HAUS6: variants seen among roughly 807,000 people sequenced by gnomAD.
HAUS6 encodes the protein HAUS augmin like complex subunit 6.
A neutral mutation model predicts 106.8 loss-of-function variants in HAUS6; 80 were observed. The ratio of observed to expected loss-of-function variants is 0.75; its 90% CI spans 0.63 to 0.90. The LOEUF (loss-of-function observed/expected upper bound fraction) is 0.90, where lower values mean the gene tolerates loss of function less well. Ranked by LOEUF, HAUS6 falls within the 40% of genes least tolerant of loss-of-function variation. HAUS6 has a pLI of 0.00. For missense variants in HAUS6, 1,155 were observed against 1,118.1 expected (o/e 1.03, Z -0.47); for synonymous variants, 356 against 379.1 (o/e 0.94, Z 0.71).
At chr9:19,067,509 T>C (rs1304410082) in intron 12 of HAUS6, among the ~76,000 whole-genome samples, 1 of 152,184 alleles carries the variant, frequency 6.6e-6, no homozygotes, top group Non-Finnish European at 1.5e-5. Context: ...ATTAAAATAA[T>C]CAGAATATAA....
intron 10 of HAUS6, 24 bp from the exon 11 acceptor site, chr9:19,076,728 T>C: frequency 9.3e-7 from 1 of 1,070,440 alleles, no homozygotes; most frequent in East Asian, 2.4e-5. Flanking sequence ...ATTCACAATT[T>C]TGAAGTAAAC....
intron 4 of HAUS6, 95 bp from the exon 5 acceptor site, chr9:19,089,654 T>C (rs1039911605): frequency 4.7e-5 from 39 of 827,746 alleles, no homozygotes; most frequent in Non-Finnish European, 6.6e-5. Flanking sequence ...GTTGGTGGTA[T>C]ACAATCTCCC....
rs929551101 is a variant in HAUS6 at position 19,063,001 on chromosome 9, T to C, written c.1629+7A>G. The C allele has an allele frequency of 3.8e-6, 6 of 1,598,314 alleles. No homozygotes were observed. In the African/African-American group the frequency reaches 6.7e-5, roughly 18 times the overall value. On this transcript the variant is annotated splice_region_variant and intron_variant, in intron 14 of 16. Transcript: ENST00000380502. ...ATTTAAGTATACTCATTACAGTCTT[T>C]TCTCACCTCTTCTACCAGATGATCT...
At chr9:19,081,499 G>A (rs1837149593) in intron 8 of HAUS6, among the ~76,000 whole-genome samples, 1 of 151,812 alleles carries the variant, frequency 6.6e-6, no homozygotes, top group Non-Finnish European at 1.5e-5. Flanking sequence ...GGGTGCAGTG[G>A]CTCAATCTTG....
Position 19,087,124 on chromosome 9 carries a change from G to T in HAUS6, c.617C>A (p.Ser206Tyr), listed in dbSNP as rs750326234. 6 of 1,541,754 alleles carry T rather than the reference G, an allele frequency of 3.9e-6. No homozygotes were observed. In the South Asian group the frequency reaches 5.6e-5, roughly 14 times the overall value. ...TTGGTTTTCCAATCCTATACATTCA[G>T]ATCTCAAGTTTCGTACCTGCTTAAC... ...LSVKQVRNLR[S>Y]ECIGLENQIK... The change falls in exon 6 of 17, where the codon TCT becomes TAT. Residue 206 changes from serine (S) to tyrosine (Y), a missense_variant. Transcript: ENST00000380502.
At chr9:19,056,508 C>T (rs115504877) in intron 16 of HAUS6, 104 bp from the exon 17 acceptor site, 2 of 675,542 alleles carry the variant, frequency 3.0e-6, no homozygotes, top group Admixed American at 2.3e-5. Flanking sequence ...AGGTTCATAG[C>T]TTTGCAAATA....
At chr9:19,099,677 G>C (rs760830945) in intron 1 of HAUS6, among the ~76,000 whole-genome samples, 1 of 152,210 alleles carries the variant, frequency 6.6e-6, no homozygotes, top group South Asian at 2.1e-4. Flanking sequence ...GCCCAGGCTG[G>C]TCTCAAATTT....
intron 7 of HAUS6, among the ~76,000 whole-genome samples, chr9:19,083,254 A>G (rs1006604163): frequency 6.6e-6 from 1 of 152,086 alleles, no homozygotes; most frequent in Non-Finnish European, 1.5e-5. Context: ...CTAGCTCACT[A>G]TAATTTTCAA....
chr9:19,058,638 C>T lies in HAUS6; in HGVS notation c.2129G>A (p.Arg710Gln), dbSNP rs62619766. 0.012 allele frequency: 19,048 copies of T among 1,606,536 alleles called. 133 individuals are homozygous for T. Among genetic ancestry groups the T allele is most frequent in the Non-Finnish European group, 0.015 (17,134 of 1,173,682 alleles). ...LAFTKLSETS[R>Q]METFSPAVGN... ...GACAGCAGGGGAGAATGTCTCCATT[C>T]GGCTAGTTTCTGAAAGCTTGGTGAA... The change falls in exon 16 of 17, where the codon CGA (arginine) becomes CAA (glutamine). Residue 710 changes from arginine (R) to glutamine (Q), a missense_variant. Arg to Gln is a conservative substitution (Grantham distance 43). Transcript: ENST00000380502.
chr9:19,098,025 T>G (rs969733340), intron 1 of HAUS6, among the ~76,000 whole-genome samples: 1 of 152,232 alleles, frequency 6.6e-6, no homozygotes, highest in Non-Finnish European at 1.5e-5. Flanking sequence ...CCATCTATCC[T>G]ACTTCCTTAC....
chr9:19,069,004 G>C (rs542276197), intron 12 of HAUS6, among the ~76,000 whole-genome samples: 3 of 152,074 alleles, frequency 2.0e-5, no homozygotes, highest in South Asian at 4.2e-4. Context: ...TTTAAGCATG[G>C]AACTCTTCTT....
At chr9:19,071,859 C>A (rs1836887846) in intron 11 of HAUS6, among the ~76,000 whole-genome samples, 1 of 151,928 alleles carries the variant, frequency 6.6e-6, no homozygotes, top group Non-Finnish European at 1.5e-5. Flanking sequence ...CGTGAGCCAC[C>A]ACGCCCAGCC....
chr9:19,084,964 G>A (rs1437671021), intron 7 of HAUS6, among the ~76,000 whole-genome samples: 2 of 151,476 alleles, frequency 1.3e-5, no homozygotes, highest in African/African-American at 4.9e-5. Flanking sequence ...GTCTCGCTCT[G>A]TTGCCCAGGC....
chr9:19,086,088 G>T (rs949002735), intron 7 of HAUS6, among the ~76,000 whole-genome samples: 7 of 151,926 alleles, frequency 4.6e-5, no homozygotes, highest in Admixed American at 1.3e-4. Context: ...GAGGCGGGCA[G>T]ATCACCTGAG....
rs149869558 is a variant in HAUS6 at position 19,099,171 on chromosome 9, G to GT, written c.129-2403dup. 3.9e-3 allele frequency among the ~76,000 whole-genome samples: 551 copies of GT among 143,012 alleles called. 2 individuals are homozygous for GT. Among genetic ancestry groups the GT allele is most frequent in the African/African-American group, 7.4e-3 (292 of 39,292 alleles). The allele number at this position is 143,012 out of a possible 152,430, so 93.8% of individuals were successfully genotyped here. A position where few individuals can be genotyped will look rare whatever the true frequency, so the allele number is the denominator to read the frequency against. On this transcript the variant is annotated intron_variant, in intron 1 of 16. Coordinates refer to ENST00000380502, the MANE Select transcript of HAUS6 (RefSeq NM_017645.5). ...GGGTTTTTTTTGTTTGTTTTTTTGT[G>GT]TTTTTTTTTTTTTGAGACGGAGTCT...
intron 5 of HAUS6, among the ~76,000 whole-genome samples, chr9:19,088,397 C>T (rs1256984935): frequency 7.1e-6 from 1 of 141,460 alleles, no homozygotes; most frequent in Non-Finnish European, 1.5e-5. Context: ...GCCAGGGCAA[C>T]AGAGTGAGAC....
intron 11 of HAUS6, 98 bp downstream of exon 11, chr9:19,076,503 AT>A: frequency 2.8e-6 from 2 of 701,982 alleles, no homozygotes; most frequent in Non-Finnish European, 5.0e-6. Context: ...ATAAAAAAAA[AT>A]GGAGGAAAAA....
chr9:19,053,618 T>G lies in HAUS6; in HGVS notation c.*2725A>C, dbSNP rs1429396430. 6.6e-6 allele frequency: 1 copy of G among 152,208 alleles called. No homozygotes were observed. The highest frequency in any genetic ancestry group is 2.4e-5 in the African/African-American group (1 of 41,466). The allele number at this position is 152,208 out of a possible 1,614,324, so 9.4% of individuals were successfully genotyped here. On this transcript the variant is annotated 3_prime_UTR_variant, in exon 17 of 17. Transcript: ENST00000380502. Reference sequence around the variant, plus strand: ...TTAAACATTTAAAATAATTAGAACATTTTAGCATTATCTCAGGTTTCAAGC... The same window carrying G: ...TTAAACATTTAAAATAATTAGAACAGTTTAGCATTATCTCAGGTTTCAAGC...
In HAUS6 at chr9:19,087,176, AT is replaced by A. The variant is rs776059558; in HGVS notation, c.585-21del. On this transcript the variant is annotated intron_variant, in intron 5 of 16. Coordinates refer to ENST00000380502, the MANE Select transcript of HAUS6 (RefSeq NM_017645.5). ...GATAATCTGCAAGAAAACATACAAA[AT>A]GACAACTATAATACCATTACGATTA... is the stretch of plus-strand genomic sequence containing the variant. The A allele has an allele frequency of 4.6e-6, 6 of 1,302,108 alleles. No homozygotes were observed. Among genetic ancestry groups the A allele is most frequent in the Non-Finnish European group, 6.7e-6 (6 of 896,848 alleles). 80.7% of individuals were successfully genotyped at this position (1,302,108 alleles called of 1,614,324 possible).
Sources: allele counts gnomAD v4.1 joint callset (sites outside exome capture counted in the v4.1 genomes callset), GRCh38; gene constraint gnomAD v4.1.1; transcripts MANE v1.5; gene names NCBI Gene and HGNC (gene_info 2026-07-23, HGNC 2026-07-21).